ATP8A2: variants seen among roughly 807,000 people sequenced by gnomAD.
ATP8A2 encodes phospholipid-transporting ATPase IB.
Under a neutral mutation model 165.6 loss-of-function variants are expected in ATP8A2, and 100 were observed. That is an observed-to-expected ratio of 0.60 (90% confidence interval 0.51 to 0.71). ATP8A2 has a LOEUF of 0.71. ATP8A2 is among the 30% of genes least tolerant of loss of function. The pLI is 0.00. For synonymous variants in ATP8A2, 543 were observed against 548.8 expected (o/e 0.99, Z 0.15); for missense variants, 1,227 against 1,479.5 (o/e 0.83, Z 2.80).
At chr13:25,912,400 G>A (rs934413443) in intron 33 of ATP8A2, among the ~76,000 whole-genome samples, 6 of 152,176 alleles carry the variant, frequency 3.9e-5, no homozygotes, top group Non-Finnish European at 8.8e-5. Flanking sequence ...GATGGGGGAT[G>A]GAGAGATGAT....
chr13:25,564,442 C>T (rs188027007), intron 16 of ATP8A2, among the ~76,000 whole-genome samples: 13 of 152,292 alleles, frequency 8.5e-5, no homozygotes, highest in African/African-American at 2.4e-4. Context: ...GCATTTATTG[C>T]ATTCTACTGT....
At chr13:25,454,782 C>T (rs1247138337) in intron 1 of ATP8A2, among the ~76,000 whole-genome samples, 1 of 152,070 alleles carries the variant, frequency 6.6e-6, no homozygotes, top group Non-Finnish European at 1.5e-5. Flanking sequence ...ATTGGCCAGG[C>T]GTGATGGCAC....
chr13:25,968,744 C>T (rs1191931559), intron 35 of ATP8A2, 65 bp downstream of exon 35: 7 of 1,297,506 alleles, frequency 5.4e-6, no homozygotes, highest in South Asian at 1.3e-5. Flanking sequence ...CTTATTCCTT[C>T]CTGTATTTCT....
At chr13:25,888,915 G>A (rs908414423) in intron 33 of ATP8A2, among the ~76,000 whole-genome samples, 3 of 152,046 alleles carry the variant, frequency 2.0e-5, no homozygotes, top group Admixed American at 6.5e-5. Flanking sequence ...AAATTTTATT[G>A]AAATCACTAG....
intron 25 of ATP8A2, among the ~76,000 whole-genome samples, chr13:25,699,884 C>T (rs2042914709): frequency 1.3e-5 from 2 of 148,656 alleles, no homozygotes; most frequent in South Asian, 2.2e-4. Context: ...TTGTTACATT[C>T]CATTGGCTGC....
intron 2 of ATP8A2, among the ~76,000 whole-genome samples, chr13:25,472,993 G>C (rs2035889316): frequency 6.6e-6 from 1 of 152,198 alleles, no homozygotes; most frequent in Admixed American, 6.5e-5. Flanking sequence ...ATTCAGGACA[G>C]GAATTCTATG....
chr13:25,990,283 G>A (rs867337604), intron 35 of ATP8A2, among the ~76,000 whole-genome samples: 2,130 of 75,918 alleles, frequency 0.028, 39 homozygotes, highest in South Asian at 0.11. Context: ...AAAAAAAAAA[G>A]CAAAATTCCT....
In ATP8A2 at chr13:26,012,530, G is replaced by A; in HGVS notation, c.3378-1G>A. Reference sequence around the variant, plus strand: ...GACTGACGCGCTTGCTTTATCCGCAGGCTGAACGAGCGCGACCGCCTGATC... The same window carrying A: ...GACTGACGCGCTTGCTTTATCCGCAAGCTGAACGAGCGCGACCGCCTGATC... On this transcript the variant is annotated splice_acceptor_variant, in intron 35 of 36. Coordinates refer to ENST00000381655, the MANE Select transcript of ATP8A2 (RefSeq NM_016529.6). LOFTEE classifies it high-confidence loss of function. 1 of 1,540,516 alleles carries A rather than the reference G, an allele frequency of 6.5e-7. No individual in the cohort carries two copies. The highest frequency in any genetic ancestry group is 8.8e-7 in the Non-Finnish European group (1 of 1,142,158).
intron 33 of ATP8A2, among the ~76,000 whole-genome samples, chr13:25,898,035 C>CG (rs1953614256): frequency 6.6e-6 from 1 of 152,216 alleles, no homozygotes; most frequent in African/African-American, 2.4e-5. Flanking sequence ...TCTCTCAACT[C>CG]GTCAAAGTCA....
intron 35 of ATP8A2, among the ~76,000 whole-genome samples, chr13:25,974,852 G>T (rs1955995664): frequency 6.6e-6 from 1 of 152,122 alleles, no homozygotes; most frequent in Non-Finnish European, 1.5e-5. Context: ...GTCCCTTGGG[G>T]TGGTGCCTGT....
At chr13:25,447,337 A>G (rs1351015081) in intron 1 of ATP8A2, among the ~76,000 whole-genome samples, 1 of 152,182 alleles carries the variant, frequency 6.6e-6, no homozygotes, top group East Asian at 1.9e-4. Flanking sequence ...CACAATGGGT[A>G]ATGAACAAAT....
At chr13:25,596,038 A>C (rs755406400) in intron 24 of ATP8A2, among the ~76,000 whole-genome samples, 1 of 152,200 alleles carries the variant, frequency 6.6e-6, no homozygotes, top group South Asian at 2.1e-4. Flanking sequence ...TTTAGGCTGC[A>C]TATGTCGGGC....
At chr13:25,469,380 C>T (rs1016931804) in intron 2 of ATP8A2, among the ~76,000 whole-genome samples, 1 of 152,250 alleles carries the variant, frequency 6.6e-6, no homozygotes, top group Non-Finnish European at 1.5e-5. Flanking sequence ...GAGAAGTTTT[C>T]ACTCTAATGT....
At chr13:25,711,152 G>A (rs751535172) in intron 25 of ATP8A2, among the ~76,000 whole-genome samples, 3 of 151,920 alleles carry the variant, frequency 2.0e-5, no homozygotes, top group African/African-American at 2.4e-5. Flanking sequence ...TACAGGGGGC[G>A]TGCCACCACA....
chr13:25,436,928 C>A (rs1281714644), intron 1 of ATP8A2, among the ~76,000 whole-genome samples: 5 of 152,082 alleles, frequency 3.3e-5, no homozygotes, highest in African/African-American at 9.7e-5. Flanking sequence ...AGGTGCCCAC[C>A]ACCATGCCCA....
chr13:25,716,415 T>A (rs2043256594), intron 25 of ATP8A2, among the ~76,000 whole-genome samples: 2 of 152,230 alleles, frequency 1.3e-5, no homozygotes, highest in African/African-American at 4.8e-5. Context: ...CATGAAGATT[T>A]ACTCCTATGT....
intron 24 of ATP8A2, among the ~76,000 whole-genome samples, chr13:25,683,117 A>T (rs768183074): frequency 1.3e-5 from 2 of 152,244 alleles, no homozygotes; most frequent in African/African-American, 2.4e-5. Flanking sequence ...CAGAAAAATG[A>T]CTTGCTGATA....
chr13:25,452,449 C>T (rs967996179), intron 1 of ATP8A2, among the ~76,000 whole-genome samples: 18 of 151,858 alleles, frequency 1.2e-4, no homozygotes, highest in African/African-American at 3.1e-4. Flanking sequence ...TTTTTATTCC[C>T]GCTTGGCTGT....
intron 1 of ATP8A2, among the ~76,000 whole-genome samples, chr13:25,373,312 G>C (rs1386705841): frequency 6.6e-6 from 1 of 152,174 alleles, no homozygotes; most frequent in Non-Finnish European, 1.5e-5. Flanking sequence ...TATTTCTGTA[G>C]TTGAGTAACG....
Sources: gnomAD v4.1 joint callset for allele counts (sites outside exome capture counted in the v4.1 genomes callset) on GRCh38, gnomAD v4.1.1 for gene constraint, MANE v1.5 for transcripts, NCBI Gene and HGNC (gene_info 2026-07-23, HGNC 2026-07-21) for gene names.